The following RNF130 variants were observed in gnomAD, a reference collection of about 807,000 sequenced individuals.
RNF130 encodes ring finger protein 130.
Under a neutral mutation model 44.6 loss-of-function variants are expected in RNF130, and 21 were observed. That is an observed-to-expected ratio of 0.47 (90% CI 0.33 to 0.68). The LOEUF is 0.68. Among genes scored for constraint, RNF130 ranks in the 30% least tolerant of loss-of-function variants. The pLI is 0.02. For missense variants in RNF130, 479 were observed against 560.6 expected, an observed-to-expected ratio of 0.85 and a Z score of 1.47; for synonymous variants, 214 against 210.4, an observed-to-expected ratio of 1.02 and a Z score of -0.15.
chr5:180,026,857 C>T (rs901462919), intron 2 of RNF130, among the ~76,000 whole-genome samples: 3 of 152,166 alleles, frequency 2.0e-5, no homozygotes, highest in African/African-American at 7.2e-5. Context: ...AGACATGACA[C>T]AAACTTTAAC....
At chr5:180,029,460 CAAAG>C (rs1203906294) in intron 2 of RNF130, among the ~76,000 whole-genome samples, 1 of 152,024 alleles carries the variant, frequency 6.6e-6, no homozygotes, top group African/African-American at 2.4e-5. Context: ...AGAAAGTGCT[CAAAG>C]AAAAAGGATA....
intron 1 of RNF130, among the ~76,000 whole-genome samples, chr5:180,061,443 T>C (rs772553301): frequency 1.5e-4 from 23 of 152,198 alleles, no homozygotes; most frequent in Non-Finnish European, 2.6e-4. Context: ...ACTTGGTGGC[T>C]TAAAACAACA....
At chr5:180,020,111 TTTGCAACTCGAGA>T (rs1763838604) in intron 2 of RNF130, among the ~76,000 whole-genome samples, 1 of 151,808 alleles carries the variant, frequency 6.6e-6, no homozygotes, top group Non-Finnish European at 1.5e-5. Context: ...GACACAGGAG[TTTGCAACTCGAGA>T]TGTAACAATT....
chr5:179,981,811 T>C (rs1762847387), intron 3 of RNF130, among the ~76,000 whole-genome samples: 1 of 152,262 alleles, frequency 6.6e-6, no homozygotes, highest in South Asian at 2.1e-4. Flanking sequence ...TGCGTGTGGC[T>C]GCTCCGTCTT....
chr5:180,041,104 G>A (rs1764400375), intron 1 of RNF130, among the ~76,000 whole-genome samples: 1 of 152,216 alleles, frequency 6.6e-6, no homozygotes, highest in Non-Finnish European at 1.5e-5. Flanking sequence ...CTGGGGGCCA[G>A]TGAGGAGGCC....
chr5:179,976,940 T>C (rs540460242), intron 5 of RNF130: 2 of 152,352 alleles, frequency 1.3e-5, no homozygotes, highest in South Asian at 4.1e-4. Flanking sequence ...CAGAACTGTG[T>C]ATCTTAGTTT....
At chr5:179,987,563 G>C (rs1022571755) in intron 3 of RNF130, among the ~76,000 whole-genome samples, 29 of 152,206 alleles carry the variant, frequency 1.9e-4, no homozygotes, top group Non-Finnish European at 1.0e-4. Flanking sequence ...TCCTTGTCTT[G>C]AACCAGTTCT....
chr5:179,928,417 C>A (rs999636439), intron 7 of RNF130, among the ~76,000 whole-genome samples: 101 of 151,874 alleles, frequency 6.7e-4, no homozygotes, highest in East Asian at 1.9e-3. Flanking sequence ...TATGTTTTAA[C>A]GTCCATTCCC....
chr5:179,949,259 C>A (rs1038431632), intron 7 of RNF130, among the ~76,000 whole-genome samples: 2 of 151,594 alleles, frequency 1.3e-5, no homozygotes, highest in African/African-American at 2.4e-5. Flanking sequence ...AGCCACCGTG[C>A]CCAGACAATT....
intron 2 of RNF130, among the ~76,000 whole-genome samples, chr5:180,018,887 G>A (rs1466814163): frequency 1.3e-5 from 2 of 152,166 alleles, no homozygotes; most frequent in Non-Finnish European, 2.9e-5. Flanking sequence ...AAACCCCGGG[G>A]CAAGCCCAGT....
At chr5:179,946,590 GT>G (rs1426773574) in intron 7 of RNF130, among the ~76,000 whole-genome samples, 1 of 144,980 alleles carries the variant, frequency 6.9e-6, no homozygotes, top group Non-Finnish European at 1.5e-5. Context: ...GTCTCGCTCT[GT>G]CGCCCAGGCT....
intron 2 of RNF130, among the ~76,000 whole-genome samples, chr5:180,038,406 GT>G (rs71591454): frequency 1.0e-5 from 1 of 95,676 alleles, no homozygotes; most frequent in Non-Finnish European, 2.5e-5. Context: ...AAAAAAGCCT[GT>G]TTTGTTTTTT....
Position 180,071,716 on chromosome 5 carries a change from G to A in RNF130, c.-14C>T. ...CGCGCAGCTCATCGTCCCTCCGGCA[G>A]CCGCCGCTGCTCGCGGACCGGGCTC... On this transcript the variant is annotated 5_prime_UTR_variant, in exon 1 of 9. Coordinates refer to ENST00000521389, the MANE Select transcript of RNF130 (RefSeq NM_018434.6). 5 of 1,254,226 alleles carry A rather than the reference G, an allele frequency of 4.0e-6. No homozygotes were observed. The highest frequency in any genetic ancestry group is 5.0e-6 in the Non-Finnish European group (5 of 1,000,930). The allele number at this position is 1,254,226 out of a possible 1,614,324, so 77.7% of individuals were successfully genotyped here.
chr5:180,055,248 C>CAAAAAAAAAACAAA, intron 1 of RNF130, among the ~76,000 whole-genome samples: 1 of 20,974 alleles, frequency 4.8e-5, no homozygotes, highest in Non-Finnish European at 7.3e-5. Flanking sequence ...GGTTCTGTCT[C>CAAAAAAAAAACAAA]AAAAAAAAAA....
chr5:179,970,436 T>A lies in RNF130; in HGVS notation c.919A>T (p.Asn307Tyr). 1 of 1,613,104 alleles carries A rather than the reference T, an allele frequency of 6.2e-7. No individual in the cohort carries two copies. The highest frequency in any genetic ancestry group is 1.1e-5 in the South Asian group (1 of 90,822). The change falls in exon 6 of 9, where the codon AAT becomes TAT. Residue 307 changes from asparagine to tyrosine, a missense_variant. By Grantham distance (143) the Asn-to-Tyr change is moderately radical (BLOSUM62 -2). Coordinates refer to ENST00000521389, the MANE Select transcript of RNF130 (RefSeq NM_018434.6). ...ACAATTCCCAGGGCCTTCAATATAT[T>A]AAGTTTGCACATAGGACAGGTACAA... is the stretch of plus-strand genomic sequence containing the variant. ...EHCTCPMCKL[N>Y]ILKALGIVPN...
At chr5:179,954,724 G>T (rs184821824), downstream of RNF130, among the ~76,000 whole-genome samples, 372 of 152,292 alleles carry the variant, frequency 2.4e-3, 1 homozygote, top group Non-Finnish European at 4.3e-3. Flanking sequence ...ATTACATTTT[G>T]ATTGCAAAAA....
chr5:179,915,029 C>T (rs1761520979), exon 8 of RNF130: 1 of 151,834 alleles, frequency 6.6e-6, no homozygotes, highest in Non-Finnish European at 1.5e-5. Flanking sequence ...GAGACCCTGT[C>T]TCTAAATAAA....
chr5:179,993,689 A>G (rs1030378853), intron 3 of RNF130, among the ~76,000 whole-genome samples: 1 of 152,030 alleles, frequency 6.6e-6, no homozygotes, highest in Non-Finnish European at 1.5e-5. Context: ...TGTTCACTCT[A>G]TTGGTAGTTT....
chr5:180,033,390 A>G (rs1177740452), intron 2 of RNF130, among the ~76,000 whole-genome samples: 1 of 152,186 alleles, frequency 6.6e-6, no homozygotes, highest in Non-Finnish European at 1.5e-5. Flanking sequence ...AACTCTTCTT[A>G]ATTTCATTTT....
Sources: allele counts gnomAD v4.1 joint callset (sites outside exome capture counted in the v4.1 genomes callset), GRCh38; gene constraint gnomAD v4.1.1; transcripts MANE v1.5; gene names NCBI Gene and HGNC (gene_info 2026-07-23, HGNC 2026-07-21).